RRM2B: variants seen among roughly 807,000 people sequenced by gnomAD.
RRM2B encodes the protein ribonucleoside-diphosphate reductase subunit M2 B.
A neutral mutation model predicts 45.9 loss-of-function variants in RRM2B; 20 were observed. The ratio of observed to expected loss-of-function variants is 0.44; its 90% CI spans 0.31 to 0.63. The LOEUF is 0.63. Ranked by LOEUF, RRM2B falls within the 30% of genes least tolerant of loss-of-function variation. RRM2B has a pLI of 0.09. For synonymous variants in RRM2B, 124 were observed against 132.3 expected, an observed-to-expected ratio of 0.94 and a Z score of 0.43; for missense variants, 320 against 414.7, an observed-to-expected ratio of 0.77 and a Z score of 1.98.
chr8:102,219,107 A>AC, intron 5 of RRM2B, 160 bp from the exon 6 acceptor site: 2 of 695,142 alleles, frequency 2.9e-6, no homozygotes, highest in South Asian at 3.6e-5. Flanking sequence ...AAAATGCGCC[A>AC]CCTCTACCTA....
chr8:102,217,045 G>A (rs893086537), intron 6 of RRM2B, among the ~76,000 whole-genome samples: 1 of 151,864 alleles, frequency 6.6e-6, no homozygotes, highest in African/African-American at 2.4e-5. Flanking sequence ...ATATGTAAAG[G>A]TATTCATTTT....
At chr8:102,226,800 G>A (rs1333631916) in intron 2 of RRM2B, among the ~76,000 whole-genome samples, 1 of 152,078 alleles carries the variant, frequency 6.6e-6, no homozygotes, top group Admixed American at 6.5e-5. Flanking sequence ...TGCAACCTTC[G>A]CCTCCCAGGT....
intron 6 of RRM2B, among the ~76,000 whole-genome samples, chr8:102,215,043 A>AT (rs1810702627): frequency 4.6e-5 from 6 of 131,616 alleles, no homozygotes; most frequent in South Asian, 2.4e-4. Flanking sequence ...AGAGCTAAAT[A>AT]TTAAAAAAAA....
At chr8:102,226,496 A>G (rs550956675) in intron 2 of RRM2B, among the ~76,000 whole-genome samples, 1 of 152,218 alleles carries the variant, frequency 6.6e-6, no homozygotes, top group African/African-American at 2.4e-5. Context: ...AGCAAATGAA[A>G]GAAGGGCTAA....
At chr8:102,228,765 G>T (rs1294124653) in intron 2 of RRM2B, among the ~76,000 whole-genome samples, 1 of 152,252 alleles carries the variant, frequency 6.6e-6, no homozygotes, top group Non-Finnish European at 1.5e-5. Context: ...TCAAGTGAGT[G>T]GAGTTTGCCC....
intron 6 of RRM2B, 165 bp from the exon 7 acceptor site, chr8:102,214,323 T>C: frequency 1.5e-6 from 1 of 651,788 alleles, no homozygotes; most frequent in South Asian, 1.6e-5. Flanking sequence ...TCAAATCTCA[T>C]TAAATGCCAA....
intron 5 of RRM2B, among the ~76,000 whole-genome samples, chr8:102,223,493 G>C (rs1260068130): frequency 2.0e-5 from 3 of 152,100 alleles, no homozygotes; most frequent in African/African-American, 7.2e-5. Context: ...AAGAGTTCAA[G>C]ACTAGTCTGG....
rs1348343321 is a variant in RRM2B at position 102,206,597 on chromosome 8, T to C, written c.*1536A>G. 4 of 152,188 alleles carry C rather than the reference T, an allele frequency of 2.6e-5. No homozygotes were observed. The East Asian group carries it at 7.7e-4, about 29-fold the overall frequency. The allele number at this position is 152,188 out of a possible 1,614,324, so 9.4% of individuals were successfully genotyped here. On this transcript the variant is annotated 3_prime_UTR_variant, in exon 9 of 9. Transcript: ENST00000251810. Reference sequence around the variant, plus strand: ...CTAAGTTTTAGCATCCAGAATTGTATAAAGTACAGTTTGTTGGGAATGGGA... The same window carrying C: ...CTAAGTTTTAGCATCCAGAATTGTACAAAGTACAGTTTGTTGGGAATGGGA...
chr8:102,213,939 G>A (rs1810679437), intron 7 of RRM2B, 115 bp downstream of exon 7: 2 of 747,068 alleles, frequency 2.7e-6, no homozygotes, highest in African/African-American at 1.7e-5. Context: ...AGGCTGACCA[G>A]AATAAAATTG....
intron 5 of RRM2B, 181 bp from the exon 6 acceptor site, chr8:102,219,128 A>T: frequency 1.6e-6 from 1 of 628,770 alleles, no homozygotes; most frequent in Non-Finnish European, 2.7e-6. Context: ...CTGGAGCAGA[A>T]AGGTATGCCT....
intron 2 of RRM2B, among the ~76,000 whole-genome samples, chr8:102,230,109 G>C (rs1248451582): frequency 2.0e-5 from 3 of 152,004 alleles, no homozygotes; most frequent in African/African-American, 4.8e-5. Flanking sequence ...AACTGCCTGA[G>C]TGGCTTTAAA....
chr8:102,228,419 G>C (rs535338671), intron 2 of RRM2B, among the ~76,000 whole-genome samples: 19 of 152,136 alleles, frequency 1.2e-4, no homozygotes, highest in Non-Finnish European at 2.5e-4. Flanking sequence ...ATTTTTCCTG[G>C]ATGCTGAACA....
rs376433700 is a variant in RRM2B at position 102,235,488 on chromosome 8, GACA to G, written c.49-3187_49-3185del. ...TTTAACTCCTCCCACCAAGCCAGGC[GACA>G]ACAACAAAGTTACAAACACAATATC... is the stretch of plus-strand genomic sequence containing the variant. On this transcript the variant is annotated intron_variant, in intron 1 of 8. Transcript: ENST00000251810. 1.1e-4 allele frequency among the ~76,000 whole-genome samples: 17 copies of G among 152,292 alleles called. No individual in the cohort carries two copies. In the East Asian group the frequency reaches 3.1e-3, roughly 28 times the overall value.
chr8:102,227,114 T>C lies in RRM2B; in HGVS notation c.205-1080A>G, dbSNP rs548699659. 4.0e-5 allele frequency among the ~76,000 whole-genome samples: 6 copies of C among 151,428 alleles called. No individual in the cohort carries two copies. The South Asian group carries it at 1.3e-3, about 32-fold the overall frequency. ...CCTCCTACCTCAGCCTCTCAAAGTGTTGGGATTACAGGTGTGAGCCATCAC... is the reference window on the plus strand; with the variant it reads ...CCTCCTACCTCAGCCTCTCAAAGTGCTGGGATTACAGGTGTGAGCCATCAC... On this transcript the variant is annotated intron_variant, in intron 2 of 8. Transcript: ENST00000251810.
At chr8:102,225,475 G>A (rs563447227) in intron 3 of RRM2B, among the ~76,000 whole-genome samples, 13 of 151,928 alleles carry the variant, frequency 8.6e-5, no homozygotes, top group South Asian at 4.1e-4. Context: ...CTCGTGATCC[G>A]CCCACCTCAG....
intron 1 of RRM2B, chr8:102,238,618 G>C (rs988663554): frequency 3.3e-6 from 5 of 1,531,406 alleles, no homozygotes; most frequent in South Asian, 1.2e-5. Flanking sequence ...CAGCGAGCGG[G>C]ACGCAAACCC....
rs774006863 is a variant in RRM2B at position 102,214,167 on chromosome 8, G to C, written c.685-9C>G. On this transcript the variant is annotated splice_polypyrimidine_tract_variant and intron_variant, in intron 6 of 8. Coordinates refer to ENST00000251810, the MANE Select transcript of RRM2B (RefSeq NM_015713.5). ...AAGTCACAGTGAAGTCCCTAAAAGG[G>C]AAGAAAAATGTCATTGTCAAATAAC... 1.9e-6 allele frequency: 3 copies of C among 1,565,542 alleles called. No homozygotes were observed. The highest frequency in any genetic ancestry group is 2.6e-6 in the Non-Finnish European group (3 of 1,136,230).
intron 1 of RRM2B, among the ~76,000 whole-genome samples, chr8:102,234,482 A>G (rs1811084335): frequency 6.6e-6 from 1 of 151,732 alleles, no homozygotes; most frequent in Non-Finnish European, 1.5e-5. Context: ...GCATCTTGAA[A>G]CTCTAGGCTC....
intron 2 of RRM2B, among the ~76,000 whole-genome samples, chr8:102,226,326 TTATA>T (rs28999707): frequency 2.7e-5 from 4 of 146,852 alleles, no homozygotes; most frequent in Non-Finnish European, 4.6e-5. Flanking sequence ...AACCATTTTA[TTATA>T]TATATATATA....
Sources: gnomAD v4.1 joint callset for allele counts (sites outside exome capture counted in the v4.1 genomes callset) on GRCh38, gnomAD v4.1.1 for gene constraint, MANE v1.5 for transcripts, NCBI Gene and HGNC (gene_info 2026-07-23, HGNC 2026-07-21) for gene names.